MDGA2: variants seen among roughly 807,000 people sequenced by gnomAD.
MDGA2 encodes the protein MAM domain-containing glycosylphosphatidylinositol anchor protein 2.
A neutral mutation model predicts 117.8 loss-of-function variants in MDGA2; 40 were observed. The ratio of observed to expected loss-of-function variants is 0.34; its 90% CI spans 0.26 to 0.44. The LOEUF (loss-of-function observed/expected upper bound fraction) is 0.44. Among genes scored for constraint, MDGA2 ranks in the 20% least tolerant of loss-of-function variants. The pLI is 1.00. For missense variants in MDGA2, 1,123 were observed against 1,250.6 expected, an observed-to-expected ratio of 0.90 and a Z score of 1.54; for synonymous variants, 452 against 439.0, an observed-to-expected ratio of 1.03 and a Z score of -0.37.
At position 47,429,279 on chromosome 14, in the gene MDGA2, T is replaced by G. The variant is rs1275774115; in HGVS notation, c.281-127729A>C. Among the ~76,000 whole-genome samples the G allele has an allele frequency of 2.7e-5, 4 of 150,868 alleles. No individual in the cohort carries two copies. In the East Asian group the frequency reaches 5.8e-4, roughly 22 times the overall value. ...TTTATATAATTAACAAATATGAAGA[T>G]ATATATATATATACACACATATATA... On this transcript the variant is annotated intron_variant, in intron 1 of 16. Transcript: ENST00000399232.
At chr14:46,853,688 C>T (rs2138296433) in intron 15 of MDGA2, among the ~76,000 whole-genome samples, 1 of 151,170 alleles carries the variant, frequency 6.6e-6, no homozygotes, top group African/African-American at 2.4e-5. Context: ...TATATTATGA[C>T]CTTGGTATTT....
At chr14:47,007,583 T>C (rs574436199) in intron 8 of MDGA2, among the ~76,000 whole-genome samples, 143 of 151,934 alleles carry the variant, frequency 9.4e-4, no homozygotes, top group African/African-American at 3.3e-3. Flanking sequence ...CCTTGCTACT[T>C]TGAGAAGTAA....
chr14:46,963,789 C>T lies in MDGA2; in HGVS notation c.1820-6146G>A, dbSNP rs139465302. Among the ~76,000 whole-genome samples, 199 of 152,238 alleles carry T rather than the reference C, an allele frequency of 1.3e-3. 2 individuals are homozygous for T. The highest frequency in any genetic ancestry group is 2.0e-3 in the Non-Finnish European group (139 of 68,012). On this transcript the variant is annotated intron_variant, in intron 8 of 16. Transcript: ENST00000399232. ...TTATGTAAGCTCCATTACAAAGGGA[C>T]CTAAAATTCTCCAATCATTGTTGCA...
chr14:47,303,879 T>C (rs1212884197), intron 1 of MDGA2, among the ~76,000 whole-genome samples: 1 of 152,150 alleles, frequency 6.6e-6, no homozygotes, highest in Non-Finnish European at 1.5e-5. Context: ...AAGGTATATC[T>C]TTCAAAAACA....
At chr14:47,562,785 C>A (rs551785408) in intron 1 of MDGA2, among the ~76,000 whole-genome samples, 1 of 151,940 alleles carries the variant, frequency 6.6e-6, no homozygotes, top group Non-Finnish European at 1.5e-5. Flanking sequence ...GGTTGGTTTG[C>A]TCTTGTTTCT....
chr14:47,031,562 C>A (rs1248738643), intron 8 of MDGA2, among the ~76,000 whole-genome samples: 3 of 151,990 alleles, frequency 2.0e-5, no homozygotes, highest in African/African-American at 7.3e-5. Flanking sequence ...CTCAGCTATC[C>A]CTGATACTTA....
At chr14:47,602,882 T>C (rs1271541055) in intron 1 of MDGA2, among the ~76,000 whole-genome samples, 2 of 152,212 alleles carry the variant, frequency 1.3e-5, no homozygotes, top group Non-Finnish European at 2.9e-5. Flanking sequence ...TTCTGAACTT[T>C]GTTCTGATTG....
intron 1 of MDGA2, among the ~76,000 whole-genome samples, chr14:47,539,483 G>A (rs950680437): frequency 1.3e-5 from 2 of 152,198 alleles, no homozygotes; most frequent in Non-Finnish European, 2.9e-5. Context: ...CTGACAGGCA[G>A]TGAATAGATA....
intron 1 of MDGA2, among the ~76,000 whole-genome samples, chr14:47,583,604 G>C (rs1896268839): frequency 6.6e-6 from 1 of 151,714 alleles, no homozygotes; most frequent in African/African-American, 2.4e-5. Flanking sequence ...CTGGAGGATG[G>C]AGAAAATGAT....
intron 1 of MDGA2, among the ~76,000 whole-genome samples, chr14:47,372,251 C>T (rs1891377113): frequency 6.6e-6 from 1 of 151,578 alleles, no homozygotes; most frequent in Admixed American, 6.6e-5. Context: ...GATATATTTG[C>T]ATACATTATA....
chr14:47,672,668 C>T (rs377509050), intron 1 of MDGA2, among the ~76,000 whole-genome samples: 120 of 152,224 alleles, frequency 7.9e-4, no homozygotes, highest in African/African-American at 2.7e-3. Flanking sequence ...ACAAAAAATT[C>T]CTTTTAGCTA....
At chr14:47,225,703 C>G (rs1236205822) in intron 2 of MDGA2, among the ~76,000 whole-genome samples, 1 of 151,804 alleles carries the variant, frequency 6.6e-6, no homozygotes, top group African/African-American at 2.4e-5. Flanking sequence ...AGGAGATATA[C>G]CTAATGCTAA....
At chr14:47,301,615 C>A (rs1889288584) in intron 1 of MDGA2, 65 bp from the exon 2 acceptor site, 3 of 1,514,862 alleles carry the variant, frequency 2.0e-6, no homozygotes, top group Middle Eastern at 1.7e-4. Flanking sequence ...TTCTCATGAA[C>A]CATCTTGACT....
intron 1 of MDGA2, among the ~76,000 whole-genome samples, chr14:47,346,715 T>A (rs1443773517): frequency 1.3e-5 from 2 of 152,210 alleles, no homozygotes; most frequent in African/African-American, 4.8e-5. Context: ...GTTAATTCAC[T>A]CAAGAAACAT....
intron 3 of MDGA2, among the ~76,000 whole-genome samples, chr14:47,162,265 T>C (rs1883674596): frequency 6.6e-6 from 1 of 152,030 alleles, no homozygotes; most frequent in African/African-American, 2.4e-5. Flanking sequence ...CTTGACCCAT[T>C]TGAGGTCACT....
chr14:47,047,061 C>A (rs943019567), intron 7 of MDGA2, among the ~76,000 whole-genome samples: 3 of 152,090 alleles, frequency 2.0e-5, no homozygotes, highest in Admixed American at 2.0e-4. Context: ...AGGGGCAAGA[C>A]TGATAAATTT....
Position 47,174,240 on chromosome 14 carries a change from GA to G in MDGA2, c.596-29967del, listed in dbSNP as rs1294891241. On this transcript the variant is annotated intron_variant, in intron 3 of 16. Coordinates refer to ENST00000399232, the MANE Select transcript of MDGA2 (RefSeq NM_001113498.3). ...CATTGTCAACATTAGACAGATCAAC[GA>G]GACAGAAAGTTAACAAGGATACCCA... is the stretch of plus-strand genomic sequence containing the variant. Among the ~76,000 whole-genome samples the G allele has an allele frequency of 8.5e-5, 13 of 152,174 alleles. No individual in the cohort carries two copies. In the East Asian group the frequency reaches 2.5e-3, roughly 29 times the overall value.
chr14:47,089,415 T>C (rs1891026789), intron 6 of MDGA2, among the ~76,000 whole-genome samples: 1 of 151,928 alleles, frequency 6.6e-6, no homozygotes, highest in Non-Finnish European at 1.5e-5. Context: ...TCACTCTGTC[T>C]CCCAGGCTGG....
intron 8 of MDGA2, among the ~76,000 whole-genome samples, chr14:46,994,238 C>T (rs1180245056): frequency 6.6e-6 from 1 of 152,126 alleles, no homozygotes; most frequent in Non-Finnish European, 1.5e-5. Flanking sequence ...ACTCGGAACC[C>T]TACCAAGCTC....
Sources: gnomAD v4.1 joint callset for allele counts (sites outside exome capture counted in the v4.1 genomes callset) on GRCh38, gnomAD v4.1.1 for gene constraint, MANE v1.5 for transcripts, NCBI Gene and HGNC (gene_info 2026-07-23, HGNC 2026-07-21) for gene names.